The following ZNF804A variants were observed in gnomAD, a reference collection of about 807,000 sequenced individuals.
ZNF804A encodes zinc finger protein 804A.
A neutral mutation model predicts 16.5 loss-of-function variants in ZNF804A; 2 were observed. That is an observed-to-expected ratio of 0.12 (90% CI 0.05 to 0.38). The LOEUF is 0.38. Among genes scored for constraint, ZNF804A ranks in the 10% least tolerant of loss-of-function variants. The probability of loss-of-function intolerance (pLI) is 0.99; values close to 1 mark genes in which losing one functional copy is unlikely to be tolerated. For missense variants in ZNF804A, 1,473 were observed against 1,390.7 expected (o/e 1.06, Z -0.94); for synonymous variants, 534 against 489.6 (o/e 1.09, Z -1.20).
At chr2:184,874,946 G>A (rs1271927185) in intron 2 of ZNF804A, among the ~76,000 whole-genome samples, 2 of 152,162 alleles carry the variant, frequency 1.3e-5, no homozygotes, top group East Asian at 3.9e-4. Context: ...AAAAACATAG[G>A]AAATAGCTTT....
Position 184,936,182 on chromosome 2 carries a change from T to C in ZNF804A, c.786T>C (p.Ser262=). The part of the protein sequence containing the change: ...FVPSACHLQQ[S]SPTDVLLSSE... ...CCAGTGCTTGTCATCTTCAACAATC[T>C]TCACCAACAGATGTGCTTTTGAGTT... is the stretch of plus-strand genomic sequence containing the variant. Residue 262 remains serine, a synonymous_variant, in exon 4 of 4, where the codon TCT becomes TCC. Transcript: ENST00000302277. 2 of 1,614,070 alleles carry C rather than the reference T, an allele frequency of 1.2e-6. No individual in the cohort carries two copies. The highest frequency in any genetic ancestry group is 1.7e-6 in the Non-Finnish European group (2 of 1,179,940).
intron 1 of ZNF804A, among the ~76,000 whole-genome samples, chr2:184,743,032 A>G (rs1404440564): frequency 1.3e-5 from 2 of 151,972 alleles, no homozygotes; most frequent in Non-Finnish European, 2.9e-5. Flanking sequence ...TGGTATATAT[A>G]TCTTTGCCAT....
chr2:184,832,407 CT>C (rs1214873472), intron 1 of ZNF804A, among the ~76,000 whole-genome samples: 1 of 152,000 alleles, frequency 6.6e-6, no homozygotes, highest in African/African-American at 2.4e-5. Flanking sequence ...ATGAATATTT[CT>C]GTTAGAAAAC....
At chr2:184,659,141 T>C (rs35979599) in intron 1 of ZNF804A, among the ~76,000 whole-genome samples, 102,322 of 152,004 alleles carry the variant, frequency 0.67, 34,722 homozygotes, top group Non-Finnish European at 0.71. Context: ...ATATGGCTTT[T>C]TCTGGTTCGT....
intron 1 of ZNF804A, among the ~76,000 whole-genome samples, chr2:184,690,604 G>A (rs535080218): frequency 1.6e-4 from 25 of 152,040 alleles, no homozygotes; most frequent in African/African-American, 6.0e-4. Context: ...TCAAGAGAGG[G>A]GAACAGTTTT....
chr2:184,664,457 G>T (rs1692225329), intron 1 of ZNF804A, among the ~76,000 whole-genome samples: 1 of 152,006 alleles, frequency 6.6e-6, no homozygotes, highest in African/African-American at 2.4e-5. Flanking sequence ...TAAATATGAA[G>T]AACATGTATT....
chr2:184,601,671 G>A (rs1404786866), intron 1 of ZNF804A, among the ~76,000 whole-genome samples: 1 of 151,386 alleles, frequency 6.6e-6, no homozygotes, highest in African/African-American at 2.4e-5. Flanking sequence ...TTTGAATTTT[G>A]CCATTAAAAA....
At chr2:184,927,837 G>A (rs1163407291) in intron 2 of ZNF804A, among the ~76,000 whole-genome samples, 1 of 152,136 alleles carries the variant, frequency 6.6e-6, no homozygotes, top group Non-Finnish European at 1.5e-5. Context: ...TTCAGTTTGT[G>A]GTGAATACTG....
In ZNF804A at chr2:184,938,746, C is replaced by A. The variant is rs1191467338; in HGVS notation, c.3350C>A (p.Ala1117Glu). Reference sequence around the variant, plus strand: ...GCTGCTGCAGCTGCAGCTGCAGCCGCAGCTGCAGGAACCTTTAAAGTGCTT... The same window carrying A: ...GCTGCTGCAGCTGCAGCTGCAGCCGAAGCTGCAGGAACCTTTAAAGTGCTT... Reference protein sequence around the residue: ...AAAAAAAAAAAAAGTFKVLQP... With the variant: ...AAAAAAAAAAEAAGTFKVLQP... Residue 1117 changes from alanine (A) to glutamate (E), a missense_variant, in exon 4 of 4, where the codon GCA (alanine) becomes GAA (glutamate). By Grantham distance (107) the Ala-to-Glu change is moderately radical. Transcript: ENST00000302277. The A allele has an allele frequency of 1.2e-6, 2 of 1,612,096 alleles. No homozygotes were observed. Among genetic ancestry groups the A allele is most frequent in the South Asian group, 2.2e-5 (2 of 91,048 alleles).
At chr2:184,616,756 T>C (rs1307022903) in intron 1 of ZNF804A, among the ~76,000 whole-genome samples, 1 of 152,166 alleles carries the variant, frequency 6.6e-6, no homozygotes, top group African/African-American at 2.4e-5. Context: ...CCAAAACTAA[T>C]TGGTCATAAA....
chr2:184,661,553 T>C (rs375672815), intron 1 of ZNF804A, among the ~76,000 whole-genome samples: 3 of 152,154 alleles, frequency 2.0e-5, no homozygotes, highest in East Asian at 3.9e-4. Context: ...GAGGTTTGTA[T>C]GGGCTTAGAA....
intron 1 of ZNF804A, among the ~76,000 whole-genome samples, chr2:184,611,618 T>C (rs1691240865): frequency 6.6e-6 from 1 of 152,140 alleles, no homozygotes; most frequent in Non-Finnish European, 1.5e-5. Context: ...TGCAATGTCT[T>C]CTAGATTACT....
chr2:184,872,828 A>C (rs1476452415), intron 2 of ZNF804A, among the ~76,000 whole-genome samples: 1 of 152,170 alleles, frequency 6.6e-6, no homozygotes, highest in Non-Finnish European at 1.5e-5. Flanking sequence ...GATCTTGCCT[A>C]ACAGTTACCA....
chr2:184,803,616 T>A (rs1186406273), intron 1 of ZNF804A, among the ~76,000 whole-genome samples: 1 of 152,190 alleles, frequency 6.6e-6, no homozygotes, highest in African/African-American at 2.4e-5. Context: ...TTACAGATTG[T>A]GGGCATGAAA....
At chr2:184,905,145 A>G (rs1442425571) in intron 2 of ZNF804A, among the ~76,000 whole-genome samples, 2 of 151,982 alleles carry the variant, frequency 1.3e-5, no homozygotes, top group Non-Finnish European at 2.9e-5. Context: ...TTTTTACAGA[A>G]CCAAGTCAGT....
rs58942655 is a variant in ZNF804A, at chr2:184,688,344, C to CTGTGTG, written c.111+89296_111+89301dup. Among the ~76,000 whole-genome samples, 28 of 147,356 alleles carry CTGTGTG rather than the reference C, an allele frequency of 1.9e-4. 1 individual carries two copies. The highest frequency in any genetic ancestry group is 4.7e-4 in the African/African-American group (19 of 40,062). ...TTTTTCTTTCTCTCTCTCTCTCTTTCTGTGTGTGTGTGTGTGTGTGTGTGT... is the reference window on the plus strand; with the variant it reads ...TTTTTCTTTCTCTCTCTCTCTCTTTCTGTGTGTGTGTGTGTGTGTGTGTGTGTGTGT... On this transcript the variant is annotated intron_variant, in intron 1 of 3. Transcript: ENST00000302277.
At chr2:184,814,439 A>G (rs781469638) in intron 1 of ZNF804A, among the ~76,000 whole-genome samples, 24 of 152,004 alleles carry the variant, frequency 1.6e-4, no homozygotes, top group Non-Finnish European at 2.8e-4. Context: ...GTACAACTCT[A>G]TTACTTGTTA....
intron 1 of ZNF804A, among the ~76,000 whole-genome samples, chr2:184,849,454 G>A (rs528130310): frequency 1.3e-5 from 2 of 151,990 alleles, no homozygotes; most frequent in South Asian, 2.1e-4. Flanking sequence ...CAGAAGAATG[G>A]AACTAGGCTG....
At chr2:184,776,660 G>A (rs112798174) in intron 1 of ZNF804A, among the ~76,000 whole-genome samples, 5,261 of 151,430 alleles carry the variant, frequency 0.035, 293 homozygotes, top group African/African-American at 0.12. Flanking sequence ...TAATTAGTTC[G>A]CTTTTTATGT....
Sources: allele counts gnomAD v4.1 joint callset (sites outside exome capture counted in the v4.1 genomes callset), GRCh38; gene constraint gnomAD v4.1.1; transcripts MANE v1.5; gene names NCBI Gene and HGNC (gene_info 2026-07-23, HGNC 2026-07-21).